Variants in OR4D11 observed in about 807,000 individuals in gnomAD.
OR4D11 encodes olfactory receptor family 4 subfamily D member 11, also known as olfactory receptor 4D11.
In OR4D11, 11 loss-of-function variants were observed where a neutral mutation model predicts 11.7. The ratio of observed to expected loss-of-function variants is 0.94; its 90% CI spans 0.59 to 1.56. The LOEUF (loss-of-function observed/expected upper bound fraction) is 1.56. Ranked by LOEUF, OR4D11 falls within the 40% of genes most tolerant of loss-of-function variation. The pLI is 0.00. For missense variants in OR4D11, 384 were observed against 373.9 expected, an observed-to-expected ratio of 1.03 and a Z score of -0.22; for synonymous variants, 165 against 150.0, an observed-to-expected ratio of 1.10 and a Z score of -0.73.
At position 59,504,082 on chromosome 11, in the gene OR4D11, TGGACC is replaced by T; in HGVS notation, c.508_512del (p.Gly170GlnfsTer4). 6.2e-7 allele frequency: 1 copy of T among 1,614,198 alleles called. No individual in the cohort carries two copies. Among genetic ancestry groups the T allele is most frequent in the Admixed American group, 1.7e-5 (1 of 60,030 alleles). On this transcript the variant is annotated frameshift_variant, in exon 1 of 1. Coordinates refer to ENST00000313253, the MANE Select transcript of OR4D11 (RefSeq NM_001004706.1). LOFTEE classifies it high-confidence loss of function. ...CCCTGTTGCTGCCTCTCCCTTTCTG[TGGACC>T]CAATGTTCTTGACACTTTCTACTGC... is the stretch of plus-strand genomic sequence containing the variant.
In OR4D11 at chr11:59,504,281, G is replaced by A. The variant is rs777452137; in HGVS notation, c.706G>A (p.Ala236Thr). 6.2e-7 allele frequency: 1 copy of A among 1,614,182 alleles called. No individual in the cohort carries two copies. Among genetic ancestry groups the A allele is most frequent in the East Asian group, 2.2e-5 (1 of 44,882 alleles). ...RSQAGGGRRK[A>T]ISTCTSHITV... is the part of the protein sequence containing the mutation. Reference sequence around the variant, plus strand: ...TCAGGCAGGAGGGGGCAGGAGGAAAGCCATCTCCACTTGCACCTCCCACAT... The same window carrying A: ...TCAGGCAGGAGGGGGCAGGAGGAAAACCATCTCCACTTGCACCTCCCACAT... The change falls in exon 1 of 1, where the codon GCC becomes ACC. Residue 236 changes from alanine (A) to threonine (T), a missense_variant. Coordinates refer to ENST00000313253, the MANE Select transcript of OR4D11 (RefSeq NM_001004706.1).
At position 59,503,606 on chromosome 11, in the gene OR4D11, GA is replaced by G; in HGVS notation, c.33del (p.Glu11AspfsTer26). 6.6e-7 allele frequency: 1 copy of G among 1,524,118 alleles called. No individual in the cohort carries two copies. The highest frequency in any genetic ancestry group is 1.9e-5 in the Admixed American group (1 of 51,996). 94.4% of individuals were successfully genotyped at this position (1,524,118 alleles called of 1,614,324 possible). On this transcript the variant is annotated frameshift_variant, in exon 1 of 1. Coordinates refer to ENST00000313253, the MANE Select transcript of OR4D11 (RefSeq NM_001004706.1). LOFTEE classifies it high-confidence loss of function. Reference sequence around the variant, plus strand: ...GTTGGGAAATGTCACCAGAGTAAAAGAATTTATATTTCTGGGACTTACTCAA... The same window carrying G: ...GTTGGGAAATGTCACCAGAGTAAAAGATTTATATTTCTGGGACTTACTCAA... MELGNVTRVK[E>X]FIFLGLTQSQ...
At position 59,504,021 on chromosome 11, in the gene OR4D11, G is replaced by T. The variant is rs768388864; in HGVS notation, c.446G>T (p.Trp149Leu). 1.6e-5 allele frequency: 26 copies of T among 1,613,898 alleles called. No individual in the cohort carries two copies. Among genetic ancestry groups the T allele is most frequent in the East Asian group, 2.2e-5 (1 of 44,880 alleles). Reference sequence around the variant, plus strand: ...TGCACTGCCCTCATCTCTGCCTCTTGGATGGGGGGCTTTGTCCACTCCATC... The same window carrying T: ...TGCACTGCCCTCATCTCTGCCTCTTTGATGGGGGGCTTTGTCCACTCCATC... Reference protein sequence around the residue: ...GQCTALISASWMGGFVHSIVQ... With the variant: ...GQCTALISASLMGGFVHSIVQ... The change falls in exon 1 of 1, where the codon TGG (tryptophan) becomes TTG (leucine). Residue 149 changes from tryptophan to leucine, a missense_variant. Coordinates refer to ENST00000313253, the MANE Select transcript of OR4D11 (RefSeq NM_001004706.1).
Position 59,503,857 on chromosome 11 carries a change from T to C in OR4D11, c.282T>C (p.Tyr94=). The change falls in exon 1 of 1, where the codon TAT becomes TAC. Residue 94 remains tyrosine, a synonymous_variant. Transcript: ENST00000313253. ...TGTCAAAGAAAAAGACCATATCCTA[T>C]ACAAGCTGCATGACACAGATATTTC... ...DLLSKKKTIS[Y]TSCMTQIFLF... 3.7e-6 allele frequency: 6 copies of C among 1,614,070 alleles called. No homozygotes were observed. Among genetic ancestry groups the C allele is most frequent in the Non-Finnish European group, 4.2e-6 (5 of 1,179,962 alleles).
Position 59,503,746 on chromosome 11 carries a change from C to A in OR4D11, c.171C>A (p.Thr57=), listed in dbSNP as rs562670487. The change falls in exon 1 of 1, where the codon ACC becomes ACA. Residue 57 remains threonine (T), a synonymous_variant. Coordinates refer to ENST00000313253, the MANE Select transcript of OR4D11 (RefSeq NM_001004706.1). ...VTVTCESRLH[T]PMYFLLRNLA... ...TGACCTGTGAGTCTCGCCTTCACAC[C>A]CCCATGTACTTCCTGCTCCGCAATC... is the stretch of plus-strand genomic sequence containing the variant. 1.2e-6 allele frequency: 2 copies of A among 1,613,862 alleles called. No individual in the cohort carries two copies. The highest frequency in any genetic ancestry group is 1.7e-5 in the Admixed American group (1 of 60,018).
At position 59,504,434 on chromosome 11, in the gene OR4D11, TACACTCTG is replaced by T; in HGVS notation, c.861_868del (p.Tyr287Ter). 2 of 1,614,162 alleles carry T rather than the reference TACACTCTG, an allele frequency of 1.2e-6. No homozygotes were observed. Among genetic ancestry groups the T allele is most frequent in the Non-Finnish European group, 1.7e-6 (2 of 1,180,012 alleles). On this transcript the variant is annotated frameshift_variant, in exon 1 of 1. Transcript: ENST00000313253. LOFTEE classifies it high-confidence loss of function. Reference sequence around the variant, plus strand: ...CTCCCCTCTGCTGAACCCTTTGATCTACACTCTGAGGAACCAGGAAATGAAGTCAGCCA... The same window carrying T: ...CTCCCCTCTGCTGAACCCTTTGATCTAGGAACCAGGAAATGAAGTCAGCCA...
At position 59,503,723 on chromosome 11, in the gene OR4D11, A is replaced by T. The variant is rs766137910; in HGVS notation, c.148A>T (p.Thr50Ser). The change falls in exon 1 of 1, where the codon ACC (threonine) becomes TCC (serine). Residue 50 changes from threonine (T) to serine (S), a missense_variant. Transcript: ENST00000313253. ...AAACCTCCTCATCATGGTCACCGTGACCTGTGAGTCTCGCCTTCACACCCC... is the reference window on the plus strand; with the variant it reads ...AAACCTCCTCATCATGGTCACCGTGTCCTGTGAGTCTCGCCTTCACACCCC... Reference protein sequence around the residue: ...LGNLLIMVTVTCESRLHTPMY... With the variant: ...LGNLLIMVTVSCESRLHTPMY... The T allele has an allele frequency of 1.4e-5, 23 of 1,613,674 alleles. No individual in the cohort carries two copies. Among genetic ancestry groups the T allele is most frequent in the Middle Eastern group, 3.3e-4 (2 of 6,062 alleles).
rs772250922 is a variant in OR4D11, at chr11:59,504,504, G to C, written c.929G>C (p.Arg310Thr). 6.2e-7 allele frequency: 1 copy of C among 1,610,880 alleles called. No homozygotes were observed. The highest frequency in any genetic ancestry group is 1.1e-5 in the South Asian group (1 of 90,870). ...RLKRRLVPSE[R>T]E ...AAGAGAAGACTCGTGCCTTCTGAAAGGGAATAGAAAACAAATCCAGGCCAG... is the reference window on the plus strand; with the variant it reads ...AAGAGAAGACTCGTGCCTTCTGAAACGGAATAGAAAACAAATCCAGGCCAG... Residue 310 changes from arginine to threonine, a missense_variant, in exon 1 of 1, where the codon AGG becomes ACG. Coordinates refer to ENST00000313253, the MANE Select transcript of OR4D11 (RefSeq NM_001004706.1).
At position 59,503,993 on chromosome 11, in the gene OR4D11, C is replaced by T. The variant is rs753925649; in HGVS notation, c.418C>T (p.Gln140Ter). 3 of 1,614,054 alleles carry T rather than the reference C, an allele frequency of 1.9e-6. No individual in the cohort carries two copies. The highest frequency in any genetic ancestry group is 1.7e-6 in the Non-Finnish European group (2 of 1,179,946). ...CTATGTGACCATCATGAGTAGAGGG[C>T]AATGCACTGCCCTCATCTCTGCCTC... ...LHYVTIMSRG[Q>*]CTALISASWM... Residue 140 changes from glutamine to a stop codon, truncating the protein, a stop_gained, in exon 1 of 1, where the codon CAA becomes TAA. Coordinates refer to ENST00000313253, the MANE Select transcript of OR4D11 (RefSeq NM_001004706.1). LOFTEE classifies it high-confidence loss of function.
In OR4D11 at chr11:59,503,922, C is replaced by G; in HGVS notation, c.347C>G (p.Ser116Cys). Residue 116 changes from serine (S) to cysteine (C), a missense_variant, in exon 1 of 1, where the codon TCT (serine) becomes TGT (cysteine). By Grantham distance (112) the Ser-to-Cys change is moderately radical. Transcript: ENST00000313253. The part of the protein sequence containing the change: ...LLGGADIFSL[S>C]VMAFDCYMAI... ...GGTGGGGCAGACATTTTTTCTCTCT[C>G]TGTGATGGCGTTTGACTGCTACATG... is the stretch of plus-strand genomic sequence containing the variant. 1.9e-6 allele frequency: 3 copies of G among 1,613,876 alleles called. No individual in the cohort carries two copies. The highest frequency in any genetic ancestry group is 2.5e-6 in the Non-Finnish European group (3 of 1,179,774).
chr11:59,503,674 T>G lies in OR4D11; in HGVS notation c.99T>G (p.Leu33=). ...TGGTCTTGTTTCTTTTTTTATGTCTTGTGTACATGACGACTCTGCTGGGAA... is the reference window on the plus strand; with the variant it reads ...TGGTCTTGTTTCTTTTTTTATGTCTGGTGTACATGACGACTCTGCTGGGAA... ...QSLVLFLFLC[L]VYMTTLLGNL... is the part of the protein sequence containing the mutation. Residue 33 remains leucine (L), a synonymous_variant, in exon 1 of 1, where the codon CTT becomes CTG. Coordinates refer to ENST00000313253, the MANE Select transcript of OR4D11 (RefSeq NM_001004706.1). 1 of 1,603,962 alleles carries G rather than the reference T, an allele frequency of 6.2e-7. No homozygotes were observed. The highest frequency in any genetic ancestry group is 1.7e-5 in the Admixed American group (1 of 59,990).
At position 59,504,135 on chromosome 11, in the gene OR4D11, T is replaced by C. The variant is rs910996720; in HGVS notation, c.560T>C (p.Leu187Pro). 3.1e-6 allele frequency: 5 copies of C among 1,614,074 alleles called. No homozygotes were observed. The African/African-American group carries it at 6.7e-5, about 22-fold the overall frequency. Residue 187 changes from leucine to proline, a missense_variant, in exon 1 of 1, where the codon CTC becomes CCC. Transcript: ENST00000313253. ...TGCGATGTCCCCCAGGTCCTCAAAC[T>C]CACTTGCACTGACACTTTTGCTCTT... ...FYCDVPQVLK[L>P]TCTDTFALEF...
In OR4D11 at chr11:59,503,702, C is replaced by T. The variant is rs868208871; in HGVS notation, c.127C>T (p.Leu43Phe). 6 of 1,612,306 alleles carry T rather than the reference C, an allele frequency of 3.7e-6. No homozygotes were observed. In the Middle Eastern group the frequency reaches 8.3e-4, roughly 222 times the overall value. Residue 43 changes from leucine (L) to phenylalanine (F), a missense_variant, in exon 1 of 1, where the codon CTC becomes TTC. Physicochemically the swap from Leu to Phe is conservative, Grantham distance 22. Transcript: ENST00000313253. ...LVYMTTLLGN[L>F]LIMVTVTCES... ...GTACATGACGACTCTGCTGGGAAAC[C>T]TCCTCATCATGGTCACCGTGACCTG...
chr11:59,503,801 A>G lies in OR4D11; in HGVS notation c.226A>G (p.Thr76Ala). 1 of 1,613,274 alleles carries G rather than the reference A, an allele frequency of 6.2e-7. No individual in the cohort carries two copies. Among genetic ancestry groups the G allele is most frequent in the African/African-American group, 1.3e-5 (1 of 74,992 alleles). Residue 76 changes from threonine (T) to alanine (A), a missense_variant, in exon 1 of 1, where the codon ACA becomes GCA. Physicochemically the swap from Thr to Ala is moderately conservative, Grantham distance 58. Coordinates refer to ENST00000313253, the MANE Select transcript of OR4D11 (RefSeq NM_001004706.1). ...CATCCTTGACATCTGCTTCTCCTCC[A>G]CAACTGCTCCTAAAGTCTTGCTGGA... ...LAILDICFSS[T>A]TAPKVLLDLL...
In OR4D11 at chr11:59,504,116, G is replaced by C; in HGVS notation, c.541G>C (p.Val181Leu). Residue 181 changes from valine (V) to leucine (L), a missense_variant, in exon 1 of 1, where the codon GTC becomes CTC. By Grantham distance (32) the Val-to-Leu change is conservative. Coordinates refer to ENST00000313253, the MANE Select transcript of OR4D11 (RefSeq NM_001004706.1). ...PNVLDTFYCD[V>L]PQVLKLTCTD... ...TGTTCTTGACACTTTCTACTGCGATGTCCCCCAGGTCCTCAAACTCACTTG... is the reference window on the plus strand; with the variant it reads ...TGTTCTTGACACTTTCTACTGCGATCTCCCCCAGGTCCTCAAACTCACTTG... 2 of 1,614,154 alleles carry C rather than the reference G, an allele frequency of 1.2e-6. No individual in the cohort carries two copies. The highest frequency in any genetic ancestry group is 2.2e-5 in the South Asian group (2 of 91,076).
In OR4D11 at chr11:59,503,924, G is replaced by C; in HGVS notation, c.349G>C (p.Val117Leu). 1.2e-6 allele frequency: 2 copies of C among 1,613,934 alleles called. No homozygotes were observed. The highest frequency in any genetic ancestry group is 1.7e-6 in the Non-Finnish European group (2 of 1,179,894). Residue 117 changes from valine to leucine, a missense_variant, in exon 1 of 1, where the codon GTG becomes CTG. Val to Leu is a conservative substitution (Grantham distance 32, BLOSUM62 1). Transcript: ENST00000313253. ...LGGADIFSLSVMAFDCYMAIS... is the reference protein window; with the variant it reads ...LGGADIFSLSLMAFDCYMAIS... ...TGGGGCAGACATTTTTTCTCTCTCT[G>C]TGATGGCGTTTGACTGCTACATGGC...
chr11:59,503,624 CT>C lies in OR4D11; in HGVS notation c.51del (p.Thr18LeufsTer19), dbSNP rs756355951. 1 of 1,569,340 alleles carries C rather than the reference CT, an allele frequency of 6.4e-7. No homozygotes were observed. The highest frequency in any genetic ancestry group is 8.7e-7 in the Non-Finnish European group (1 of 1,145,246). On this transcript the variant is annotated frameshift_variant, in exon 1 of 1. Transcript: ENST00000313253. LOFTEE classifies it high-confidence loss of function. ...AGTAAAAGAATTTATATTTCTGGGACTTACTCAATCCCAAGACCAGAGTTTG... is the reference window on the plus strand; with the variant it reads ...AGTAAAAGAATTTATATTTCTGGGACTACTCAATCCCAAGACCAGAGTTTG... ...TRVKEFIFLG[L>X]TQSQDQSLVL...
rs560528213 is a variant in OR4D11, at chr11:59,504,382, G to T, written c.807G>T (p.Lys269Asn). ...CCTTCACTGCCCTCCCCACAGAAAA[G>T]GCCATCTCTGTCACCTTCACTGTCA... ...ARPFTALPTEKAISVTFTVIS... is the reference protein window; with the variant it reads ...ARPFTALPTENAISVTFTVIS... Residue 269 changes from lysine to asparagine, a missense_variant, in exon 1 of 1, where the codon AAG becomes AAT. Transcript: ENST00000313253. 1.2e-6 allele frequency: 2 copies of T among 1,614,062 alleles called. No individual in the cohort carries two copies. Among genetic ancestry groups the T allele is most frequent in the East Asian group, 2.2e-5 (1 of 44,880 alleles).
chr11:59,504,188 C>T lies in OR4D11; in HGVS notation c.613C>T (p.Leu205=), dbSNP rs1470319050. The part of the protein sequence containing the change: ...LEFLMISNNG[L]VTTLWFIFLL... ...GTTCTTGATGATTTCCAACAATGGC[C>T]TGGTCACTACCCTGTGGTTTATCTT... The change falls in exon 1 of 1, where the codon CTG becomes TTG. Residue 205 remains leucine, a synonymous_variant. Coordinates refer to ENST00000313253, the MANE Select transcript of OR4D11 (RefSeq NM_001004706.1). The T allele has an allele frequency of 3.7e-6, 6 of 1,614,176 alleles. No homozygotes were observed. In the East Asian group the frequency reaches 1.3e-4, roughly 36 times the overall value.
Sources: gnomAD v4.1 joint callset for allele counts on GRCh38, gnomAD v4.1.1 for gene constraint, MANE v1.5 for transcripts, NCBI Gene and HGNC (gene_info 2026-07-23, HGNC 2026-07-21) for gene names.